Variants in CFAP95 observed in about 807,000 individuals in gnomAD.
CFAP95 encodes cilia and flagella associated protein 95, also known as cilia- and flagella-associated protein 95.
the CFAP95 span, among the ~76,000 whole-genome samples, chr9:69,843,420 C>A: frequency 7.0e-6 from 1 of 143,728 alleles, no homozygotes; most frequent in Non-Finnish European, 1.5e-5. Context: ...TCTCTACCCC[C>A]AAATCCTCTT....
At chr9:69,861,851 TC>T in the CFAP95 span, among the ~76,000 whole-genome samples, 5 of 100,530 alleles carry the variant, frequency 5.0e-5, no homozygotes, top group Admixed American at 9.7e-5. Context: ...ATCAGAGTTA[TC>T]AGAGACTTGA....
chr9:69,887,385 A>G, the CFAP95 span, among the ~76,000 whole-genome samples: 57 of 152,354 alleles, frequency 3.7e-4, no homozygotes, highest in South Asian at 9.3e-3. Flanking sequence ...CCAGGGCAGT[A>G]GACATGAGAT....
chr9:69,877,963 A>G, the CFAP95 span, among the ~76,000 whole-genome samples: 1 of 152,180 alleles, frequency 6.6e-6, no homozygotes, highest in East Asian at 1.9e-4. Context: ...GTTCATTTAA[A>G]GTATGATGGA....
the CFAP95 span, among the ~76,000 whole-genome samples, chr9:69,860,787 T>A: frequency 1.3e-5 from 2 of 152,108 alleles, no homozygotes; most frequent in Non-Finnish European, 2.9e-5. Flanking sequence ...AACACACACC[T>A]TAGCCTAGGC....
chr9:69,850,943 C>T, the CFAP95 span, among the ~76,000 whole-genome samples: 3 of 152,154 alleles, frequency 2.0e-5, no homozygotes, highest in Non-Finnish European at 2.9e-5. Context: ...TTGTTTTCTG[C>T]TGCATCTCTG....
At chr9:69,874,274 A>G in the CFAP95 span, among the ~76,000 whole-genome samples, 5 of 152,200 alleles carry the variant, frequency 3.3e-5, no homozygotes, top group African/African-American at 4.8e-5. Context: ...AAAAATTTCA[A>G]GCACACCAGA....
the CFAP95 span, among the ~76,000 whole-genome samples, chr9:69,824,208 A>C: frequency 1.3e-5 from 2 of 152,218 alleles, no homozygotes; most frequent in African/African-American, 4.8e-5. Flanking sequence ...GTTTTGAACT[A>C]AGGATAGGGA....
the CFAP95 span, chr9:69,856,619 T>A: frequency 1.2e-6 from 2 of 1,612,950 alleles, no homozygotes; most frequent in Admixed American, 3.3e-5. Flanking sequence ...TGGGTTGAAA[T>A]GAAGAGCAAG....
the CFAP95 span, among the ~76,000 whole-genome samples, chr9:69,854,148 G>T: frequency 1.3e-5 from 2 of 152,200 alleles, no homozygotes; most frequent in Non-Finnish European, 2.9e-5. Context: ...GTTAAGAGTT[G>T]TCTTTGGAGT....
chr9:69,889,362 C>A, the CFAP95 span, among the ~76,000 whole-genome samples: 18 of 152,224 alleles, frequency 1.2e-4, no homozygotes, highest in African/African-American at 4.3e-4. Flanking sequence ...AGATTTATAA[C>A]TTCCCCAACT....
chr9:69,844,763 T>A, the CFAP95 span: 1 of 574,488 alleles, frequency 1.7e-6, no homozygotes. Flanking sequence ...AGTCACTGTG[T>A]GCTGAAGCAA....
the CFAP95 span, among the ~76,000 whole-genome samples, chr9:69,848,995 T>G: frequency 6.6e-6 from 1 of 152,204 alleles, no homozygotes; most frequent in Admixed American, 6.5e-5. Context: ...TGTTTTCTGA[T>G]TGTACCTACT....
the CFAP95 span, among the ~76,000 whole-genome samples, chr9:69,823,584 A>G: frequency 0.01 from 1,527 of 152,276 alleles, 27 homozygotes; most frequent in African/African-American, 0.035. Context: ...CCTTTAACAC[A>G]TGGCCTGCCA....
the CFAP95 span, among the ~76,000 whole-genome samples, chr9:69,849,862 G>C: frequency 1.3e-5 from 2 of 152,184 alleles, no homozygotes; most frequent in African/African-American, 4.8e-5. Flanking sequence ...CTTATTCTAA[G>C]CTTAGTGGGT....
At chr9:69,833,579 G>A in the CFAP95 span, among the ~76,000 whole-genome samples, 1 of 152,130 alleles carries the variant, frequency 6.6e-6, no homozygotes, top group Non-Finnish European at 1.5e-5. Context: ...TGCGGGAAAT[G>A]TAACTTGGTT....
the CFAP95 span, among the ~76,000 whole-genome samples, chr9:69,869,831 A>G: frequency 6.6e-6 from 1 of 152,072 alleles, no homozygotes; most frequent in Non-Finnish European, 1.5e-5. Flanking sequence ...CTTTAATCCC[A>G]TGTATATTAA....
the CFAP95 span, among the ~76,000 whole-genome samples, chr9:69,866,440 A>G: frequency 6.6e-6 from 1 of 152,166 alleles, no homozygotes; most frequent in Non-Finnish European, 1.5e-5. Flanking sequence ...GCTGGTGTAA[A>G]TCCCAGAGTT....
chr9:69,842,860 C>T, the CFAP95 span, among the ~76,000 whole-genome samples: 7 of 152,274 alleles, frequency 4.6e-5, no homozygotes, highest in East Asian at 5.8e-4. Context: ...TTTTGCTTGC[C>T]GCCCCACCTT....
At chr9:69,878,173 C>T in the CFAP95 span, among the ~76,000 whole-genome samples, 1 of 152,178 alleles carries the variant, frequency 6.6e-6, no homozygotes, top group Non-Finnish European at 1.5e-5. Flanking sequence ...TACTACCTTA[C>T]AGCCCTAGGA....
Sources: gnomAD v4.1 joint callset for allele counts (sites outside exome capture counted in the v4.1 genomes callset) on GRCh38, gnomAD v4.1.1 for gene constraint, MANE v1.5 for transcripts, NCBI Gene and HGNC (gene_info 2026-07-23, HGNC 2026-07-21) for gene names.